Variants in CTNNA2 observed in about 807,000 individuals in gnomAD.
CTNNA2 encodes the protein catenin alpha 2, also known as catenin alpha-2.
CTNNA2 carries 42 observed loss-of-function variants against 101.0 expected under a neutral mutation model. The observed-to-expected ratio is 0.42, with a 90% CI of 0.32 to 0.54. CTNNA2 has a LOEUF of 0.54. Among genes scored for constraint, CTNNA2 ranks in the 20% least tolerant of loss-of-function variants. The pLI is 0.14. For missense variants in CTNNA2, 871 were observed against 1,223.1 expected (o/e 0.71, Z 4.29); for synonymous variants, 450 against 456.4 (o/e 0.99, Z 0.18).
intron 3 of CTNNA2, among the ~76,000 whole-genome samples, chr2:79,339,442 G>A (rs186600635): frequency 1.2e-3 from 183 of 152,274 alleles, no homozygotes; most frequent in Non-Finnish European, 1.9e-3. Context: ...GAAGGCAAGC[G>A]ACACTACCAA....
chr2:79,620,583 C>T (rs1173237656), intron 1 of CTNNA2, among the ~76,000 whole-genome samples: 2 of 152,138 alleles, frequency 1.3e-5, no homozygotes, highest in Non-Finnish European at 2.9e-5. Flanking sequence ...CAGACATACC[C>T]ACTAAATAGT....
chr2:80,462,773 C>G (rs1488541902), intron 9 of CTNNA2, among the ~76,000 whole-genome samples: 1 of 151,422 alleles, frequency 6.6e-6, no homozygotes, highest in Non-Finnish European at 1.5e-5. Flanking sequence ...AGGAATTAGT[C>G]TACGCACTCT....
At chr2:79,299,382 C>T (rs1034170910) in intron 2 of CTNNA2, among the ~76,000 whole-genome samples, 1 of 152,156 alleles carries the variant, frequency 6.6e-6, no homozygotes, top group South Asian at 2.1e-4. Context: ...CTACAAGATG[C>T]AAAATAGGTG....
rs886351396 is a variant in CTNNA2 at position 79,464,563 on chromosome 2, T to A, written c.-134-40491T>A. On this transcript the variant is annotated intron_variant, in intron 4 of 21. Transcript: ENST00000466387. ...AGATCCCTGAGGAATCACCACACTG[T>A]CTTCCACAATGGTTGAACTAGTTTA... 4.6e-5 allele frequency among the ~76,000 whole-genome samples: 7 copies of A among 152,288 alleles called. No homozygotes were observed. In the South Asian group the frequency reaches 6.2e-4, roughly 14 times the overall value.
chr2:80,499,769 C>T (rs940876299), intron 9 of CTNNA2, among the ~76,000 whole-genome samples: 6 of 151,872 alleles, frequency 4.0e-5, no homozygotes, highest in African/African-American at 1.2e-4. Flanking sequence ...TGCAGTGAGC[C>T]GAGATCATGC....
chr2:79,659,549 G>A (rs1681867187), intron 2 of CTNNA2, among the ~76,000 whole-genome samples: 2 of 152,112 alleles, frequency 1.3e-5, no homozygotes, highest in Admixed American at 1.3e-4. Context: ...ACTGTTTGAT[G>A]TTTGATCTAA....
chr2:79,839,484 C>T (rs1679637826), intron 3 of CTNNA2, among the ~76,000 whole-genome samples: 1 of 152,144 alleles, frequency 6.6e-6, no homozygotes, highest in African/African-American at 2.4e-5. Context: ...AATTACCAGC[C>T]ATTATCTCAT....
At chr2:80,529,207 T>G (rs897149301) in intron 9 of CTNNA2, among the ~76,000 whole-genome samples, 1 of 152,180 alleles carries the variant, frequency 6.6e-6, no homozygotes, top group Non-Finnish European at 1.5e-5. Context: ...TTCAGATTTG[T>G]AGGCCACATG....
At chr2:80,553,090 G>GGTGCAT (rs1692719725) in intron 11 of CTNNA2, among the ~76,000 whole-genome samples, 2 of 150,888 alleles carry the variant, frequency 1.3e-5, no homozygotes, top group Non-Finnish European at 2.9e-5. Flanking sequence ...CAGGTGTGAT[G>GGTGCAT]GTGCATGCCT....
intron 1 of CTNNA2, among the ~76,000 whole-genome samples, chr2:79,562,190 A>T (rs984740621): frequency 9.9e-5 from 15 of 152,040 alleles, no homozygotes; most frequent in African/African-American, 3.6e-4. Context: ...AATTGTTTCA[A>T]CACTATCTTC....
rs1558832928 is a variant in CTNNA2, at chr2:80,126,601, TCC to T, written c.1056+216806_1056+216807del. Among the ~76,000 whole-genome samples the T allele has an allele frequency of 5.3e-3, 137 of 25,872 alleles. 3 individuals are homozygous for T. The highest frequency in any genetic ancestry group is 0.016 in the African/African-American group (102 of 6,366). The allele number at this position is 25,872 out of a possible 152,430, so 17.0% of individuals were successfully genotyped here. A position where few individuals can be genotyped will look rare whatever the true frequency, so the allele number is the denominator to read the frequency against. ...CCCTTTCTTTCCCTCCCTCCCTCCC[TCC>T]CTCCCTCCCTCCCTCCCTCCCTCCC... On this transcript the variant is annotated intron_variant, in intron 7 of 18. Transcript: ENST00000402739.
chr2:80,012,462 C>T (rs1693857778), intron 7 of CTNNA2, among the ~76,000 whole-genome samples: 1 of 152,140 alleles, frequency 6.6e-6, no homozygotes, highest in Non-Finnish European at 1.5e-5. Context: ...CCAAAGGTAT[C>T]TGCCCACCAA....
At chr2:79,549,938 G>A (rs1371831675) in intron 1 of CTNNA2, among the ~76,000 whole-genome samples, 3 of 152,112 alleles carry the variant, frequency 2.0e-5, no homozygotes, top group Non-Finnish European at 4.4e-5. Flanking sequence ...CTATTTACAG[G>A]TATGTTTGTT....
chr2:79,295,843 A>T (rs1376349093), intron 2 of CTNNA2, among the ~76,000 whole-genome samples: 1 of 152,070 alleles, frequency 6.6e-6, no homozygotes, highest in African/African-American at 2.4e-5. Flanking sequence ...GTACTTAATT[A>T]TATACTCTTT....
intron 1 of CTNNA2, among the ~76,000 whole-genome samples, chr2:79,185,969 G>A (rs1450524878): frequency 1.3e-5 from 2 of 152,164 alleles, no homozygotes; most frequent in African/African-American, 4.8e-5. Context: ...AGCTGCATGT[G>A]TTTGGTAAGT....
intron 9 of CTNNA2, among the ~76,000 whole-genome samples, chr2:80,503,397 A>G (rs902516177): frequency 1.3e-5 from 2 of 152,172 alleles, no homozygotes; most frequent in Non-Finnish European, 2.9e-5. Context: ...TTCTATGACA[A>G]CAATGGTTGC....
chr2:79,281,173 G>C (rs1675370511), intron 2 of CTNNA2, among the ~76,000 whole-genome samples: 1 of 152,026 alleles, frequency 6.6e-6, no homozygotes, highest in Non-Finnish European at 1.5e-5. Context: ...GGCAGTCTTG[G>C]TGGGACTATC....
intron 6 of CTNNA2, among the ~76,000 whole-genome samples, chr2:79,886,765 A>G (rs1185518836): frequency 4.7e-5 from 7 of 148,558 alleles, no homozygotes; most frequent in Non-Finnish European, 8.9e-5. Flanking sequence ...AAAAAAAAAA[A>G]AAAAAAAAAA....
intron 7 of CTNNA2, among the ~76,000 whole-genome samples, chr2:80,222,657 G>A (rs1230873933): frequency 6.6e-6 from 1 of 152,148 alleles, no homozygotes; most frequent in East Asian, 1.9e-4. Flanking sequence ...CAAACCCTAG[G>A]AAGCCAGGTG....
Sources: allele counts gnomAD v4.1 joint callset (sites outside exome capture counted in the v4.1 genomes callset), GRCh38; gene constraint gnomAD v4.1.1; transcripts MANE v1.5; gene names NCBI Gene and HGNC (gene_info 2026-07-23, HGNC 2026-07-21).